WASF2: variants seen among roughly 807,000 people sequenced by gnomAD.
The protein encoded by WASF2 is actin-binding protein WASF2.
In WASF2, 14 loss-of-function variants were observed where a neutral mutation model predicts 45.0. The observed-to-expected ratio is 0.31, with a 90% confidence interval of 0.21 to 0.49. WASF2 has a LOEUF of 0.49. Ranked by LOEUF, WASF2 falls within the 20% of genes least tolerant of loss-of-function variation. The pLI is 0.99. For synonymous variants in WASF2, 200 were observed against 236.3 expected, an observed-to-expected ratio of 0.85 and a Z score of 1.41; for missense variants, 439 against 636.1, an observed-to-expected ratio of 0.69 and a Z score of 3.33.
At chr1:27,478,363 G>A (rs2017800103) in intron 1 of WASF2, among the ~76,000 whole-genome samples, 1 of 150,992 alleles carries the variant, frequency 6.6e-6, no homozygotes, top group South Asian at 2.1e-4. Context: ...TGCATCAAAG[G>A]ACTTGGGTTC....
intron 2 of WASF2, among the ~76,000 whole-genome samples, chr1:27,424,152 A>G (rs1045295564): frequency 2.0e-5 from 3 of 152,192 alleles, no homozygotes; most frequent in African/African-American, 7.2e-5. Context: ...CCATAATCAG[A>G]CTTTCACTAC....
chr1:27,429,737 T>C (rs1157648933), intron 1 of WASF2, among the ~76,000 whole-genome samples: 2 of 150,660 alleles, frequency 1.3e-5, no homozygotes, highest in African/African-American at 2.5e-5. Context: ...GATTGCGCCA[T>C]TGCACTCCAG....
intron 1 of WASF2, among the ~76,000 whole-genome samples, chr1:27,456,733 CTTTTT>C (rs568890517): frequency 1.5e-5 from 2 of 132,166 alleles, no homozygotes; most frequent in Admixed American, 7.7e-5. Context: ...AAGGTTTTCT[CTTTTT>C]TTTTTTTTTT....
chr1:27,464,148 G>A (rs2017585139), intron 1 of WASF2, among the ~76,000 whole-genome samples: 1 of 152,020 alleles, frequency 6.6e-6, no homozygotes, highest in Non-Finnish European at 1.5e-5. Context: ...GGGAGGCCGA[G>A]GCGGGTGGAT....
rs2017967173 is a variant in WASF2 at position 27,487,828 on chromosome 1, T to C, written c.-44+2158A>G. 2.8e-5 allele frequency among the ~76,000 whole-genome samples: 4 copies of C among 144,734 alleles called. No homozygotes were observed. The South Asian group carries it at 8.4e-4, about 30-fold the overall frequency. The allele number at this position is 144,734 out of a possible 152,430, so 95.0% of individuals were successfully genotyped here. On this transcript the variant is annotated intron_variant, in intron 1 of 8. Coordinates refer to ENST00000618852, the MANE Select transcript of WASF2 (RefSeq NM_006990.5). ...ATATATTTTATATATAAGACCAAAT[T>C]AGTAATATGCTGAGAAAAAGAATAA... is the stretch of plus-strand genomic sequence containing the variant.
At chr1:27,479,837 C>T (rs1319903640) in intron 1 of WASF2, among the ~76,000 whole-genome samples, 33 of 152,184 alleles carry the variant, frequency 2.2e-4, no homozygotes, top group African/African-American at 4.8e-5. Context: ...TACATTCCAG[C>T]CTGGGTGACA....
chr1:27,419,239 T>C, intron 2 of WASF2, 151 bp from the exon 3 acceptor site: 1 of 744,722 alleles, frequency 1.3e-6, no homozygotes, highest in Admixed American at 2.7e-5. Flanking sequence ...TGCAGATGAC[T>C]GCTCTTAGAG....
At chr1:27,422,478 G>A (rs1030223915) in intron 2 of WASF2, among the ~76,000 whole-genome samples, 1 of 151,924 alleles carries the variant, frequency 6.6e-6, no homozygotes, top group African/African-American at 2.4e-5. Flanking sequence ...AATTAGCCAG[G>A]CGTGTTGGTG....
intron 1 of WASF2, among the ~76,000 whole-genome samples, chr1:27,440,951 C>T (rs180994213): frequency 6.6e-6 from 1 of 152,188 alleles, no homozygotes; most frequent in East Asian, 1.9e-4. Flanking sequence ...ACTGCAGCCT[C>T]CCCTTCCTGG....
In WASF2 at chr1:27,414,661, C is replaced by G. The variant is rs1472957981; in HGVS notation, c.668+172G>C. Among the ~76,000 whole-genome samples, 1 of 152,126 alleles carries G rather than the reference C, an allele frequency of 6.6e-6. No individual in the cohort carries two copies. Among genetic ancestry groups the G allele is most frequent in the Non-Finnish European group, 1.5e-5 (1 of 68,026 alleles). The stretch of plus-strand genomic sequence containing the variant: ...TTGCTGAATCTCTTGATTTATTTAG[C>G]AAATTTTCATCACCAGATGGATGCA... On this transcript the variant is annotated intron_variant, in intron 6 of 8. Transcript: ENST00000618852. This position sits in a 1 kb window ranked among gnomAD's most constrained non-coding sequence, Gnocchi z 4.1.
intron 7 of WASF2, among the ~76,000 whole-genome samples, chr1:27,412,111 T>C (rs914772737): frequency 1.3e-5 from 2 of 152,262 alleles, no homozygotes; most frequent in Non-Finnish European, 2.9e-5. Context: ...AGAGGACTCC[T>C]ATGAGAATTA....
At chr1:27,484,304 G>A (rs1036979085) in intron 1 of WASF2, among the ~76,000 whole-genome samples, 1 of 152,156 alleles carries the variant, frequency 6.6e-6, no homozygotes, top group Admixed American at 6.6e-5. Flanking sequence ...TGCTAGTAGA[G>A]GCCCTTGGCC....
At chr1:27,420,028 C>T (rs2016884523) in intron 2 of WASF2, among the ~76,000 whole-genome samples, 1 of 152,076 alleles carries the variant, frequency 6.6e-6, no homozygotes, top group Non-Finnish European at 1.5e-5. Flanking sequence ...TATTAGCCTC[C>T]CGAGTAACTG....
At chr1:27,424,403 C>T (rs771085485) in intron 2 of WASF2, among the ~76,000 whole-genome samples, 48 of 152,284 alleles carry the variant, frequency 3.2e-4, no homozygotes, top group African/African-American at 3.9e-4. Flanking sequence ...ATCAATAGCA[C>T]GGAATAGTGG....
intron 1 of WASF2, among the ~76,000 whole-genome samples, chr1:27,453,346 C>T (rs539453304): frequency 6.6e-6 from 1 of 152,114 alleles, no homozygotes; most frequent in East Asian, 1.9e-4. Context: ...AATCCCAGCA[C>T]TTTGGGAGGC....
At chr1:27,429,771 C>T (rs945896188) in intron 1 of WASF2, among the ~76,000 whole-genome samples, 3 of 144,758 alleles carry the variant, frequency 2.1e-5, no homozygotes, top group South Asian at 2.3e-4. Flanking sequence ...AGCAAGACTC[C>T]GTCTCAAAAA....
chr1:27,455,522 G>A (rs2017455269), intron 1 of WASF2, among the ~76,000 whole-genome samples: 1 of 152,182 alleles, frequency 6.6e-6, no homozygotes, highest in South Asian at 2.1e-4. Context: ...CAGAGAGAAT[G>A]TGTTATTTAA....
Position 27,406,375 on chromosome 1 carries a change from T to A in WASF2, c.*1814A>T, listed in dbSNP as rs1252318355. 6.5e-6 allele frequency: 1 copy of A among 152,744 alleles called. No homozygotes were observed. Among genetic ancestry groups the A allele is most frequent in the Non-Finnish European group, 1.5e-5 (1 of 68,446 alleles). 9.5% of individuals were successfully genotyped at this position (152,744 alleles called of 1,614,324 possible). ...GGCATGCTGTCCCCTACAGGCTCAG[T>A]CCCCACACCCTGAGTTCCAGGAAAG... On this transcript the variant is annotated 3_prime_UTR_variant, in exon 9 of 9. Transcript: ENST00000618852.
At position 27,452,571 on chromosome 1, in the gene WASF2, CT is replaced by C. The variant is rs551677132; in HGVS notation, c.-43-23639del. On this transcript the variant is annotated intron_variant, in intron 1 of 8. Coordinates refer to ENST00000618852, the MANE Select transcript of WASF2 (RefSeq NM_006990.5). ...GTGGCTCGTGCCTGTAATCCCAGCA[CT>C]TTGGGAGGCTGAGGTGGGTGGATCA... is the stretch of plus-strand genomic sequence containing the variant. 1.5e-3 allele frequency among the ~76,000 whole-genome samples: 231 copies of C among 152,088 alleles called. 2 individuals are homozygous for C. The highest frequency in any genetic ancestry group is 5.5e-3 in the African/African-American group (227 of 41,474).
Sources: gnomAD v4.1 joint callset for allele counts (sites outside exome capture counted in the v4.1 genomes callset) on GRCh38, gnomAD v4.1.1 for gene constraint, Gnocchi (gnomAD v3.1) non-coding constraint, MANE v1.5 for transcripts, NCBI Gene and HGNC (gene_info 2026-07-23, HGNC 2026-07-21) for gene names.